Variants in NCOA2 observed in about 807,000 individuals in gnomAD.
The protein encoded by NCOA2 is class E basic helix-loop-helix protein 75.
A neutral mutation model predicts 145.1 loss-of-function variants in NCOA2; 21 were observed. That is an observed-to-expected ratio of 0.14 (90% CI 0.10 to 0.21). NCOA2 has a LOEUF of 0.21. NCOA2 is among the 10% of genes least tolerant of loss of function. The pLI is 1.00. For missense variants in NCOA2, 1,472 were observed against 1,837.6 expected (o/e 0.80, Z 3.64); for synonymous variants, 619 against 637.5 (o/e 0.97, Z 0.44).
intron 9 of NCOA2, among the ~76,000 whole-genome samples, chr8:70,161,725 G>A (rs915994192): frequency 1.3e-5 from 2 of 152,134 alleles, no homozygotes; most frequent in Non-Finnish European, 2.9e-5. Flanking sequence ...GCAGACAACT[G>A]TTGAAGCTGA....
rs752318772 is a variant in NCOA2, at chr8:70,138,206, T to A, written c.3155A>T (p.Asn1052Ile). ...ACCCTAGGTGCTCAGGACTCACCTG[T>A]TTTGGCTGGCAAAAGACGCCTGGTC... ...PIDQASFASQ[N>I]RQPFGSSPDD... Residue 1052 changes from asparagine to isoleucine, a missense_variant, in exon 15 of 23, where the codon AAC becomes ATC. Around this residue, in one of 4 missense-constraint regions of NCOA2, gnomAD observed 953 missense variants for 1,062.1 expected, o/e 0.90. Coordinates refer to ENST00000452400, the MANE Select transcript of NCOA2 (RefSeq NM_006540.4). 6.2e-7 allele frequency: 1 copy of A among 1,612,480 alleles called. No homozygotes were observed. The highest frequency in any genetic ancestry group is 2.2e-5 in the East Asian group (1 of 44,870).
chr8:70,271,225 T>A (rs1049853181), intron 2 of NCOA2, among the ~76,000 whole-genome samples: 1 of 152,232 alleles, frequency 6.6e-6, no homozygotes, highest in South Asian at 2.1e-4. Context: ...AGATACAGTA[T>A]AGTAAATGAC....
intron 1 of NCOA2, among the ~76,000 whole-genome samples, chr8:70,403,128 C>T (rs1288250199): frequency 1.3e-5 from 2 of 150,554 alleles, no homozygotes; most frequent in South Asian, 2.1e-4. Flanking sequence ...TGCCTCCCCT[C>T]GCCCGGCTCC....
chr8:70,273,510 A>G (rs2290878), intron 2 of NCOA2: 43,379 of 672,818 alleles, frequency 0.064, 1,794 homozygotes, highest in East Asian at 0.14. Context: ...TTCTCCTTAA[A>G]GAAGTTAGAA....
rs200117372 is a variant in NCOA2, at chr8:70,115,640, C to T, written c.4384-1997G>A. Among the ~76,000 whole-genome samples the T allele has an allele frequency of 2.0e-4, 30 of 152,272 alleles. No individual in the cohort carries two copies. In the East Asian group the frequency reaches 3.1e-3, roughly 16 times the overall value. On this transcript the variant is annotated intron_variant, in intron 22 of 22. Transcript: ENST00000452400. ...CTATTAGTAATCAATTTTCATAACA[C>T]TAGTAAATACAAGTAATTACAAGAG...
intron 21 of NCOA2, 42 bp from the exon 22 acceptor site, chr8:70,121,433 T>C: frequency 6.7e-7 from 1 of 1,492,796 alleles, no homozygotes; most frequent in Non-Finnish European, 9.3e-7. Context: ...CAGAGCAGAA[T>C]GTCCAAGAGT....
At chr8:70,381,676 C>T (rs911503138) in intron 1 of NCOA2, among the ~76,000 whole-genome samples, 4 of 152,112 alleles carry the variant, frequency 2.6e-5, no homozygotes, top group African/African-American at 7.2e-5. Context: ...AACAGAAATA[C>T]AAGACTAAAC....
At chr8:70,337,783 T>G (rs1807750896) in intron 1 of NCOA2, among the ~76,000 whole-genome samples, 1 of 152,076 alleles carries the variant, frequency 6.6e-6, no homozygotes, top group African/African-American at 2.4e-5. Context: ...AACTCAAGAT[T>G]AAGAAATTCA....
chr8:70,449,302 T>C, the NCOA2 span, among the ~76,000 whole-genome samples: 2 of 152,224 alleles, frequency 1.3e-5, no homozygotes, highest in Admixed American at 1.3e-4. Context: ...CAAATACTTG[T>C]TAAGCACCTT....
chr8:70,446,491 C>T, the NCOA2 span, among the ~76,000 whole-genome samples: 1 of 152,190 alleles, frequency 6.6e-6, no homozygotes, highest in African/African-American at 2.4e-5. Flanking sequence ...ATGACTGTGG[C>T]ACTTACTGTA....
At chr8:70,270,181 CAA>C (rs969507208) in intron 2 of NCOA2, among the ~76,000 whole-genome samples, 10 of 141,248 alleles carry the variant, frequency 7.1e-5, no homozygotes, top group African/African-American at 2.1e-4. Flanking sequence ...GACCTTGTCT[CAA>C]AAAACAGGGA....
At chr8:70,168,056 T>C (rs991910238) in intron 6 of NCOA2, among the ~76,000 whole-genome samples, 8 of 152,108 alleles carry the variant, frequency 5.3e-5, no homozygotes, top group Non-Finnish European at 1.5e-5. Context: ...GGGTGAGTCA[T>C]AAGAAAACTA....
chr8:70,320,518 G>T (rs147915529), intron 1 of NCOA2, among the ~76,000 whole-genome samples: 35 of 152,234 alleles, frequency 2.3e-4, no homozygotes, highest in African/African-American at 7.2e-4. Context: ...GAAAAAGATA[G>T]TAATTTTTGT....
the NCOA2 span, among the ~76,000 whole-genome samples, chr8:70,452,137 G>T: frequency 6.6e-6 from 1 of 151,982 alleles, no homozygotes; most frequent in Non-Finnish European, 1.5e-5. Flanking sequence ...ACCATTCCAG[G>T]CTAATTTTTT....
At chr8:70,211,646 G>T (rs989666143) in intron 4 of NCOA2, among the ~76,000 whole-genome samples, 1 of 152,018 alleles carries the variant, frequency 6.6e-6, no homozygotes, top group East Asian at 1.9e-4. Context: ...AAGATAATTT[G>T]CCCAGGTTCA....
intron 4 of NCOA2, among the ~76,000 whole-genome samples, chr8:70,193,064 TAAAA>T (rs397892713): frequency 1.2e-5 from 1 of 86,574 alleles, no homozygotes; most frequent in African/African-American, 5.0e-5. Context: ...GAGACTCTAT[TAAAA>T]AAAAAAAAAA....
intron 2 of NCOA2, among the ~76,000 whole-genome samples, chr8:70,225,179 G>T (rs958054450): frequency 6.6e-6 from 1 of 152,230 alleles, no homozygotes; most frequent in South Asian, 2.1e-4. Flanking sequence ...TATTCTAACA[G>T]GAAAGTAGGG....
chr8:70,140,593 G>GTTTTTTTTTTT (rs71558582), intron 14 of NCOA2, among the ~76,000 whole-genome samples: 2 of 79,784 alleles, frequency 2.5e-5, no homozygotes, highest in Non-Finnish European at 4.5e-5. Context: ...TACCACCTAA[G>GTTTTTTTTTTT]TTTTTTTTTT....
At chr8:70,292,782 A>T (rs1010093561) in intron 2 of NCOA2, among the ~76,000 whole-genome samples, 1 of 152,226 alleles carries the variant, frequency 6.6e-6, no homozygotes, top group African/African-American at 2.4e-5. Context: ...TAGTTTAATG[A>T]GGAAAACTAA....
Sources: allele counts gnomAD v4.1 joint callset (sites outside exome capture counted in the v4.1 genomes callset), GRCh38; gene constraint gnomAD v4.1.1; regional missense constraint gnomAD v4.1.1; transcripts MANE v1.5; gene names NCBI Gene and HGNC (gene_info 2026-07-23, HGNC 2026-07-21).